The following USP15 variants were observed in gnomAD, a reference collection of about 807,000 sequenced individuals.
USP15 encodes the protein ubiquitin specific peptidase 15, also known as ubiquitin carboxyl-terminal hydrolase 15.
USP15 carries 18 observed loss-of-function variants against 127.1 expected under a neutral mutation model. That is an observed-to-expected ratio of 0.14 (90% CI 0.10 to 0.21). The LOEUF (loss-of-function observed/expected upper bound fraction) is 0.21, where lower values mean the gene tolerates loss of function less well. Ranked by LOEUF, USP15 falls within the 10% of genes least tolerant of loss-of-function variation. The pLI is 1.00. For missense variants in USP15, 805 were observed against 1,159.9 expected (o/e 0.69, Z 4.44); for synonymous variants, 364 against 393.7 (o/e 0.92, Z 0.89).
intron 1 of USP15, among the ~76,000 whole-genome samples, chr12:62,285,998 C>G (rs891758995): frequency 1.3e-5 from 2 of 152,038 alleles, no homozygotes; most frequent in African/African-American, 4.8e-5. Flanking sequence ...TGCTTTTTCA[C>G]TGTGGTTTTA....
At chr12:62,266,172 T>C (rs2063187808) in intron 1 of USP15, among the ~76,000 whole-genome samples, 1 of 152,226 alleles carries the variant, frequency 6.6e-6, no homozygotes, top group Non-Finnish European at 1.5e-5. Context: ...TAATTGTCTA[T>C]CAATAATCAT....
At chr12:62,383,232 A>C (rs931458130) in intron 9 of USP15, among the ~76,000 whole-genome samples, 1 of 151,948 alleles carries the variant, frequency 6.6e-6, no homozygotes, top group Non-Finnish European at 1.5e-5. Context: ...GGGAAACTAT[A>C]GGGTTTGATT....
intron 1 of USP15, among the ~76,000 whole-genome samples, chr12:62,283,786 T>C (rs1023031108): frequency 6.6e-6 from 1 of 151,942 alleles, no homozygotes; most frequent in African/African-American, 2.4e-5. Context: ...TTACTAAAAA[T>C]AGAAAAATTA....
At chr12:62,305,213 T>C (rs914167392) in intron 3 of USP15, among the ~76,000 whole-genome samples, 10 of 152,154 alleles carry the variant, frequency 6.6e-5, no homozygotes, top group African/African-American at 2.4e-4. Flanking sequence ...AAAGAAATGC[T>C]ATGAATCCCA....
intron 6 of USP15, among the ~76,000 whole-genome samples, chr12:62,330,642 T>C (rs2065263230): frequency 1.3e-5 from 2 of 150,492 alleles, no homozygotes; most frequent in Non-Finnish European, 1.5e-5. Context: ...CATTTTAGGC[T>C]GAGCAAGGTG....
intron 6 of USP15, among the ~76,000 whole-genome samples, chr12:62,326,873 T>A (rs1428961464): frequency 6.6e-6 from 1 of 152,212 alleles, no homozygotes; most frequent in Non-Finnish European, 1.5e-5. Context: ...GGCACATCCC[T>A]GTAATCCCAG....
At chr12:62,299,953 T>G (rs1445246643) in intron 2 of USP15, among the ~76,000 whole-genome samples, 1 of 152,290 alleles carries the variant, frequency 6.6e-6, no homozygotes, top group Non-Finnish European at 1.5e-5. Context: ...GTTATATATC[T>G]TTTTTAGTGA....
intron 1 of USP15, among the ~76,000 whole-genome samples, chr12:62,267,419 A>G (rs941505404): frequency 6.6e-6 from 1 of 152,170 alleles, no homozygotes; most frequent in African/African-American, 2.4e-5. Flanking sequence ...ATAAGTTCCA[A>G]TTATAATATA....
At chr12:62,304,630 A>G (rs1350176805) in intron 3 of USP15, 1 of 430,204 alleles carries the variant, frequency 2.3e-6, no homozygotes. Context: ...CAAGTTAAAC[A>G]TCTTCCTGTA....
chr12:62,312,930 C>A (rs1247771943), intron 3 of USP15, among the ~76,000 whole-genome samples: 1 of 151,362 alleles, frequency 6.6e-6, no homozygotes, highest in Non-Finnish European at 1.5e-5. Flanking sequence ...AATTATTTTT[C>A]TTTTTATGGT....
chr12:62,369,302 T>C (rs1209076945), intron 8 of USP15, among the ~76,000 whole-genome samples: 1 of 152,224 alleles, frequency 6.6e-6, no homozygotes, highest in Non-Finnish European at 1.5e-5. Context: ...GGTCATAAAA[T>C]AGAGAATTAC....
intron 1 of USP15, among the ~76,000 whole-genome samples, chr12:62,284,988 C>T (rs2137110477): frequency 6.6e-6 from 1 of 152,144 alleles, no homozygotes; most frequent in East Asian, 1.9e-4. Flanking sequence ...ATTCAAAAAC[C>T]AATCCTGCTT....
At chr12:62,263,895 A>G (rs979045468) in intron 1 of USP15, among the ~76,000 whole-genome samples, 2 of 152,216 alleles carry the variant, frequency 1.3e-5, no homozygotes, top group African/African-American at 2.4e-5. Flanking sequence ...CAAAAAGATA[A>G]TTTGCTTAAG....
intron 17 of USP15, among the ~76,000 whole-genome samples, 163 bp downstream of exon 17, chr12:62,392,049 A>G (rs2067340826): frequency 6.6e-6 from 1 of 151,608 alleles, no homozygotes; most frequent in African/African-American, 2.4e-5. Context: ...TTGCAAAAAT[A>G]CCTTTTTTTT....
intron 8 of USP15, among the ~76,000 whole-genome samples, chr12:62,378,636 A>T (rs2066903079): frequency 6.6e-6 from 1 of 152,154 alleles, no homozygotes; most frequent in African/African-American, 2.4e-5. Context: ...AGGAGTTTTT[A>T]AAAATCAAAG....
chr12:62,320,383 G>T (rs931945502), intron 4 of USP15, among the ~76,000 whole-genome samples: 2 of 152,070 alleles, frequency 1.3e-5, no homozygotes, highest in African/African-American at 4.8e-5. Context: ...GTTTCCTGAG[G>T]CCTCCTAGCC....
chr12:62,295,088 G>A (rs559586550), intron 2 of USP15, among the ~76,000 whole-genome samples: 1 of 152,080 alleles, frequency 6.6e-6, no homozygotes, highest in Non-Finnish European at 1.5e-5. Context: ...CAAGAGTCCA[G>A]GAAAATACCA....
chr12:62,366,289 G>A (rs995180850), intron 8 of USP15, among the ~76,000 whole-genome samples: 4 of 152,094 alleles, frequency 2.6e-5, no homozygotes, highest in African/African-American at 7.2e-5. Context: ...GGTATTCGTA[G>A]GTATTTTATT....
At chr12:62,349,723 C>G (rs757957871) in intron 7 of USP15, among the ~76,000 whole-genome samples, 2 of 152,026 alleles carry the variant, frequency 1.3e-5, no homozygotes, top group Non-Finnish European at 2.9e-5. Context: ...AAAAGGCAAT[C>G]ACTTTTTCTT....
Sources: gnomAD v4.1 joint callset for allele counts (sites outside exome capture counted in the v4.1 genomes callset) on GRCh38, gnomAD v4.1.1 for gene constraint, MANE v1.5 for transcripts, NCBI Gene and HGNC (gene_info 2026-07-23, HGNC 2026-07-21) for gene names.